GABRB2: variants seen among roughly 807,000 people sequenced by gnomAD.
GABRB2 encodes the protein gamma-aminobutyric acid receptor subunit beta-2.
In GABRB2, 16 loss-of-function variants were observed where a neutral mutation model predicts 54.7. That is an observed-to-expected ratio of 0.29 (90% CI 0.20 to 0.44). The LOEUF (loss-of-function observed/expected upper bound fraction) is 0.44, where lower values mean the gene tolerates loss of function less well. GABRB2 is among the 20% of genes least tolerant of loss of function. The pLI is 1.00. For missense variants in GABRB2, 355 were observed against 644.0 expected (o/e 0.55, Z 4.86); for synonymous variants, 244 against 233.8 (o/e 1.04, Z -0.40).
chr5:161,423,903 AT>A (rs1756924081), intron 4 of GABRB2, among the ~76,000 whole-genome samples: 2 of 152,184 alleles, frequency 1.3e-5, no homozygotes, highest in South Asian at 4.1e-4. Flanking sequence ...ATAAGAAAGC[AT>A]AACAACATTA....
intron 5 of GABRB2, among the ~76,000 whole-genome samples, chr5:161,387,770 T>C (rs949831830): frequency 7.9e-5 from 12 of 152,226 alleles, no homozygotes; most frequent in Admixed American, 6.5e-4. Flanking sequence ...TGCAGTGTTA[T>C]ATTTAAAAAC....
intron 3 of GABRB2, among the ~76,000 whole-genome samples, chr5:161,526,573 T>A (rs1431384672): frequency 6.6e-6 from 1 of 151,442 alleles, no homozygotes; most frequent in Non-Finnish European, 1.5e-5. Flanking sequence ...GAAGTTTTTT[T>A]TTTTTATTTC....
rs73797558 is a variant in GABRB2, at chr5:161,291,019, C to G, written c.*3062G>C. ...TAGATGGCACTGCTTGAATCTTTTC[C>G]CCTGTTAATAAATTGTAGTAGAAAG... is the stretch of plus-strand genomic sequence containing the variant. On this transcript the variant is annotated 3_prime_UTR_variant, in exon 10 of 10. Coordinates refer to ENST00000393959, the MANE Select transcript of GABRB2 (RefSeq NM_001371727.1). 381 of 152,532 alleles carry G rather than the reference C, an allele frequency of 2.5e-3. 1 individual carries two copies. The highest frequency in any genetic ancestry group is 7.8e-3 in the African/African-American group (324 of 41,526). 9.4% of individuals were successfully genotyped at this position (152,532 alleles called of 1,614,324 possible).
At chr5:161,536,591 T>G (rs575504259) in intron 3 of GABRB2, among the ~76,000 whole-genome samples, 1 of 152,250 alleles carries the variant, frequency 6.6e-6, no homozygotes, top group South Asian at 2.1e-4. Flanking sequence ...TACTCCTTTC[T>G]AAAGATTGTT....
At chr5:161,403,353 A>G (rs1233700443) in intron 5 of GABRB2, among the ~76,000 whole-genome samples, 2 of 152,140 alleles carry the variant, frequency 1.3e-5, no homozygotes, top group Non-Finnish European at 2.9e-5. Context: ...TCTCTTAAAG[A>G]GGGAGACTGG....
At chr5:161,472,527 G>C (rs1758473517) in intron 3 of GABRB2, among the ~76,000 whole-genome samples, 1 of 151,508 alleles carries the variant, frequency 6.6e-6, no homozygotes, top group East Asian at 2.0e-4. Context: ...TCTCGGGTGG[G>C]GGTGGGGAGA....
In GABRB2 at chr5:161,338,794, A is replaced by G. The variant is rs373691082; in HGVS notation, c.542-2025T>C. On this transcript the variant is annotated intron_variant, in intron 5 of 9. Transcript: ENST00000393959. ...GAGCTAGACTCTGCCTCTAAAAAATATATAAATAAATACATAAAAGTAAAT... is the reference window on the plus strand; with the variant it reads ...GAGCTAGACTCTGCCTCTAAAAAATGTATAAATAAATACATAAAAGTAAAT... Among the ~76,000 whole-genome samples the G allele has an allele frequency of 4.3e-4, 66 of 152,226 alleles. 1 individual carries two copies. The East Asian group carries it at 0.01, about 24-fold the overall frequency.
intron 8 of GABRB2, among the ~76,000 whole-genome samples, chr5:161,329,228 G>T (rs1012040025): frequency 2.0e-5 from 3 of 152,154 alleles, no homozygotes; most frequent in Non-Finnish European, 4.4e-5. Context: ...AGTCCTATGA[G>T]ATAGCATTAT....
At chr5:161,320,504 A>G (rs915422723) in intron 9 of GABRB2, among the ~76,000 whole-genome samples, 5 of 151,890 alleles carry the variant, frequency 3.3e-5, no homozygotes, top group Non-Finnish European at 7.4e-5. Context: ...TTTAAATTAT[A>G]TGATTCATAA....
chr5:161,302,487 A>T (rs1020844567), intron 9 of GABRB2, among the ~76,000 whole-genome samples: 17 of 152,126 alleles, frequency 1.1e-4, no homozygotes, highest in Non-Finnish European at 2.4e-4. Flanking sequence ...AACAACTCAA[A>T]TCCCTCAATA....
At chr5:161,359,440 G>GACACACACACACACACACACAC (rs57251440) in intron 5 of GABRB2, among the ~76,000 whole-genome samples, 1,527 of 147,768 alleles carry the variant, frequency 0.01, 18 homozygotes, top group Middle Eastern at 0.058. Context: ...AATTGCATCT[G>GACACACACACACACACACACAC]ACACACACAC....
At chr5:161,327,997 G>A (rs1758419854) in intron 8 of GABRB2, among the ~76,000 whole-genome samples, 1 of 152,142 alleles carries the variant, frequency 6.6e-6, no homozygotes, top group African/African-American at 2.4e-5. Flanking sequence ...TTCATGCTGG[G>A]TGAACAAAGA....
intron 7 of GABRB2, 35 bp from the exon 8 acceptor site, chr5:161,331,162 T>C: frequency 6.6e-7 from 1 of 1,512,134 alleles, no homozygotes; most frequent in Non-Finnish European, 8.8e-7. Context: ...GTAATAATGT[T>C]CCTATCTCTT....
intron 5 of GABRB2, among the ~76,000 whole-genome samples, chr5:161,359,564 G>A (rs1028444786): frequency 2.6e-5 from 4 of 152,066 alleles, no homozygotes; most frequent in Non-Finnish European, 5.9e-5. Context: ...TAATATTGGT[G>A]ATGATAATAC....
intron 5 of GABRB2, among the ~76,000 whole-genome samples, chr5:161,403,067 C>A (rs1756249265): frequency 6.6e-6 from 1 of 152,064 alleles, no homozygotes; most frequent in African/African-American, 2.4e-5. Flanking sequence ...CATGGATCTG[C>A]CAGACTGGTT....
In GABRB2 at chr5:161,411,071, A is replaced by G; in HGVS notation, c.459-14T>C. 2.5e-6 allele frequency: 4 copies of G among 1,594,416 alleles called. No individual in the cohort carries two copies. The highest frequency in any genetic ancestry group is 3.4e-6 in the Non-Finnish European group (4 of 1,162,292). ...GTGGTTGTGATTCTAGAAGACAAATAGCAATGATGAGTGTTGTTAGCAGGT... is the reference window on the plus strand; with the variant it reads ...GTGGTTGTGATTCTAGAAGACAAATGGCAATGATGAGTGTTGTTAGCAGGT... On this transcript the variant is annotated splice_polypyrimidine_tract_variant and intron_variant, in intron 4 of 9. Transcript: ENST00000393959.
intron 5 of GABRB2, among the ~76,000 whole-genome samples, chr5:161,392,204 C>G (rs562609063): frequency 1.3e-5 from 2 of 152,226 alleles, no homozygotes; most frequent in South Asian, 4.1e-4. Context: ...AAATCTAATT[C>G]TAAGGGAAGA....
intron 4 of GABRB2, among the ~76,000 whole-genome samples, chr5:161,448,381 C>G (rs1415868273): frequency 6.6e-6 from 1 of 152,034 alleles, no homozygotes; most frequent in East Asian, 1.9e-4. Context: ...TATGAGAACA[C>G]CAGACTGGGA....
intron 3 of GABRB2, among the ~76,000 whole-genome samples, chr5:161,533,403 T>C (rs1292373089): frequency 6.6e-6 from 1 of 152,148 alleles, no homozygotes; most frequent in African/African-American, 2.4e-5. Flanking sequence ...AAAGTATCTT[T>C]ATGCCATCCA....
Sources: gnomAD v4.1 joint callset for allele counts (sites outside exome capture counted in the v4.1 genomes callset) on GRCh38, gnomAD v4.1.1 for gene constraint, MANE v1.5 for transcripts, NCBI Gene and HGNC (gene_info 2026-07-23, HGNC 2026-07-21) for gene names.